The following HTRA1 variants were observed in gnomAD, a reference collection of about 807,000 sequenced individuals.
The protein encoded by HTRA1 is serine protease HTRA1.
A neutral mutation model predicts 49.7 loss-of-function variants in HTRA1; 26 were observed. That is an observed-to-expected ratio of 0.52 (90% CI 0.38 to 0.73). HTRA1 has a LOEUF of 0.73. Among genes scored for constraint, HTRA1 ranks in the 30% least tolerant of loss-of-function variants. HTRA1 has a pLI of 0.00. For missense variants in HTRA1, 561 were observed against 667.2 expected, an observed-to-expected ratio of 0.84 and a Z score of 1.75; for synonymous variants, 291 against 286.9, an observed-to-expected ratio of 1.01 and a Z score of -0.14.
At chr10:122,492,831 C>A (rs572649477) in intron 3 of HTRA1, among the ~76,000 whole-genome samples, 4 of 152,208 alleles carry the variant, frequency 2.6e-5, no homozygotes, top group African/African-American at 9.6e-5. Flanking sequence ...ACACAGGACC[C>A]AGTTAGGGCA....
chr10:122,464,487 G>A lies in HTRA1; in HGVS notation c.472+2363G>A, dbSNP rs772111810. 1.1e-4 allele frequency among the ~76,000 whole-genome samples: 17 copies of A among 152,300 alleles called. No homozygotes were observed. Among genetic ancestry groups the A allele is most frequent in the East Asian group, 9.6e-4 (5 of 5,186 alleles). On this transcript the variant is annotated intron_variant, in intron 1 of 8. Coordinates refer to ENST00000368984, the MANE Select transcript of HTRA1 (RefSeq NM_002775.5). The surrounding 1 kb of genome is among the most constrained non-coding windows in gnomAD (Gnocchi z 4.8). ...TGAGCTCTGTAGGGTGTCTGACACC[G>A]TTTGCATGTTTGTCTGTCTGGCACA... is the stretch of plus-strand genomic sequence containing the variant.
At chr10:122,509,976 C>G in intron 6 of HTRA1, 120 bp from the exon 7 acceptor site, 1 of 815,278 alleles carries the variant, frequency 1.2e-6, no homozygotes, top group Non-Finnish European at 2.2e-6. Context: ...GAGCCGCAAC[C>G]TCAGTGTACC....
chr10:122,502,849 G>A (rs768933134), intron 3 of HTRA1, among the ~76,000 whole-genome samples: 3 of 152,232 alleles, frequency 2.0e-5, no homozygotes, highest in Non-Finnish European at 2.9e-5. Context: ...TTTTTGCCCC[G>A]TCACTGCAGT....
In HTRA1 at chr10:122,474,626, A is replaced by G. The variant is rs529548746; in HGVS notation, c.472+12502A>G. Among the ~76,000 whole-genome samples the G allele has an allele frequency of 1.1e-3, 166 of 152,346 alleles. 5 individuals carry two copies. In the South Asian group the frequency reaches 0.034, roughly 31 times the overall value. On this transcript the variant is annotated intron_variant, in intron 1 of 8. Transcript: ENST00000368984. ...AGGGCAGGAAGCGAACCCAGCTGAG[A>G]AATCTGCGAAGGTCAGGACCAGAGC...
At chr10:122,502,291 A>G (rs2097501219) in intron 3 of HTRA1, among the ~76,000 whole-genome samples, 3 of 152,164 alleles carry the variant, frequency 2.0e-5, no homozygotes, top group South Asian at 2.1e-4. Flanking sequence ...GTTTTGTGAA[A>G]CGATGCTGCT....
At chr10:122,475,227 C>T (rs749293635) in intron 1 of HTRA1, among the ~76,000 whole-genome samples, 129 of 152,228 alleles carry the variant, frequency 8.5e-4, no homozygotes, top group Non-Finnish European at 1.2e-3. Flanking sequence ...AGTTACTGCT[C>T]AAGGCACCCG....
chr10:122,509,487 A>G (rs943559900), intron 6 of HTRA1, among the ~76,000 whole-genome samples: 1 of 152,198 alleles, frequency 6.6e-6, no homozygotes, highest in Non-Finnish European at 1.5e-5. Context: ...AGTGAGCACA[A>G]GGCCCCTGAA....
At chr10:122,469,472 C>G (rs996772916) in intron 1 of HTRA1, among the ~76,000 whole-genome samples, 2 of 152,196 alleles carry the variant, frequency 1.3e-5, no homozygotes, top group African/African-American at 4.8e-5. Flanking sequence ...CAATGTTCAG[C>G]GGTCACATCT....
At position 122,507,389 on chromosome 10, in the gene HTRA1, C is replaced by T; in HGVS notation, c.992C>T (p.Pro331Leu). The change falls in exon 5 of 9, where the codon CCG (proline) becomes CTG (leucine). Residue 331 changes from proline to leucine, a missense_variant. Around this residue, in one of 3 missense-constraint regions of HTRA1, gnomAD observed 271 missense variants for 410.0 expected, o/e 0.66. Transcript: ENST00000368984. ...TTGCAGTATGGAAACTCGGGAGGCC[C>T]GTTAGTAAACCTGGTAAGGTCTTTT... ...AIINYGNSGG[P>L]LVNLDGEVIG... 3.1e-6 allele frequency: 5 copies of T among 1,610,524 alleles called. No individual in the cohort carries two copies. Among genetic ancestry groups the T allele is most frequent in the Non-Finnish European group, 4.2e-6 (5 of 1,176,750 alleles).
chr10:122,500,722 C>G (rs1018015169), intron 3 of HTRA1, among the ~76,000 whole-genome samples: 1 of 152,174 alleles, frequency 6.6e-6, no homozygotes, highest in Non-Finnish European at 1.5e-5. Context: ...CGCTGTCAAC[C>G]TGGGGGCCTC....
In HTRA1 at chr10:122,514,192, G is replaced by C; in HGVS notation, c.1276G>C (p.Gly426Arg). 1 of 1,613,668 alleles carries C rather than the reference G, an allele frequency of 6.2e-7. No homozygotes were observed. Among genetic ancestry groups the C allele is most frequent in the Non-Finnish European group, 8.5e-7 (1 of 1,179,828 alleles). ...EVIPDTPAEAGGLKENDVIIS... is the reference protein window; with the variant it reads ...EVIPDTPAEARGLKENDVIIS... ...ATTGTGTTTCCCTTTGTGTTGCAGT[G>C]GTGGTCTCAAGGAAAACGACGTCAT... Residue 426 changes from glycine to arginine, a missense_variant and splice_region_variant, in exon 9 of 9, where the codon GGT becomes CGT. Coordinates refer to ENST00000368984, the MANE Select transcript of HTRA1 (RefSeq NM_002775.5).
Position 122,468,481 on chromosome 10 carries a change from A to T in HTRA1, c.472+6357A>T, listed in dbSNP as rs550065544. The stretch of plus-strand genomic sequence containing the variant: ...ACAAAGGAGTCAGCTGTGTGGGAGG[A>T]GTGCTGGGACACTCTTGTCTCCCTG... On this transcript the variant is annotated intron_variant, in intron 1 of 8. Coordinates refer to ENST00000368984, the MANE Select transcript of HTRA1 (RefSeq NM_002775.5). Among the ~76,000 whole-genome samples, 16 of 129,938 alleles carry T rather than the reference A, an allele frequency of 1.2e-4. No homozygotes were observed. In the South Asian group the frequency reaches 4.5e-3, roughly 37 times the overall value. The allele number at this position is 129,938 out of a possible 152,430, so 85.2% of individuals were successfully genotyped here. A position where few individuals can be genotyped will look rare whatever the true frequency, so the allele number is the denominator to read the frequency against.
At chr10:122,501,135 C>T (rs754688789) in intron 3 of HTRA1, among the ~76,000 whole-genome samples, 7 of 152,308 alleles carry the variant, frequency 4.6e-5, no homozygotes, top group East Asian at 1.9e-4. Flanking sequence ...ATCAGCAGAA[C>T]GGCTATGAAG....
intron 1 of HTRA1, among the ~76,000 whole-genome samples, chr10:122,484,862 C>T (rs1404484852): frequency 3.9e-5 from 6 of 152,160 alleles, no homozygotes; most frequent in African/African-American, 4.8e-5. Flanking sequence ...GAGCAGTGGA[C>T]GCCCCCACCC....
chr10:122,494,761 T>C lies in HTRA1; in HGVS notation c.777+5135T>C, dbSNP rs1175068632. 6.6e-6 allele frequency among the ~76,000 whole-genome samples: 1 copy of C among 152,162 alleles called. No homozygotes were observed. The highest frequency in any genetic ancestry group is 1.9e-4 in the East Asian group (1 of 5,176). On this transcript the variant is annotated intron_variant, in intron 3 of 8. Coordinates refer to ENST00000368984, the MANE Select transcript of HTRA1 (RefSeq NM_002775.5). This position sits in a 1 kb window ranked among gnomAD's most constrained non-coding sequence, Gnocchi z 4.0. ...GCCGCTGTGTTTGCAGAGGGTCCTCTTACTGCTGAGCTGGCTGGTGCAGTG... is the reference window on the plus strand; with the variant it reads ...GCCGCTGTGTTTGCAGAGGGTCCTCCTACTGCTGAGCTGGCTGGTGCAGTG...
chr10:122,486,673 C>A (rs552601842), intron 1 of HTRA1, among the ~76,000 whole-genome samples: 1 of 152,088 alleles, frequency 6.6e-6, no homozygotes, highest in Non-Finnish European at 1.5e-5. Flanking sequence ...AGGGCTGGGA[C>A]GTCTCACAGC....
chr10:122,477,640 C>G (rs1203069689), intron 1 of HTRA1, among the ~76,000 whole-genome samples: 2 of 152,190 alleles, frequency 1.3e-5, no homozygotes, highest in Non-Finnish European at 2.9e-5. Flanking sequence ...TCTAGCAGCC[C>G]TGCCAGAGAG....
At chr10:122,480,351 A>C (rs2097490460) in intron 1 of HTRA1, among the ~76,000 whole-genome samples, 1 of 152,166 alleles carries the variant, frequency 6.6e-6, no homozygotes, top group African/African-American at 2.4e-5. Context: ...GGGCGAGGGC[A>C]GGAAGCTCTG....
At chr10:122,501,590 G>A (rs968260856) in intron 3 of HTRA1, among the ~76,000 whole-genome samples, 4 of 152,130 alleles carry the variant, frequency 2.6e-5, no homozygotes, top group African/African-American at 7.2e-5. Flanking sequence ...TGACCCCACC[G>A]CATTCCTGAC....
Sources: allele counts gnomAD v4.1 joint callset (sites outside exome capture counted in the v4.1 genomes callset), GRCh38; gene constraint gnomAD v4.1.1; regional missense constraint gnomAD v4.1.1; non-coding constraint Gnocchi (gnomAD v3.1); transcripts MANE v1.5; gene names NCBI Gene and HGNC (gene_info 2026-07-23, HGNC 2026-07-21).